WDR35: variants seen among roughly 807,000 people sequenced by gnomAD.
The protein encoded by WDR35 is WD repeat-containing protein 35.
A neutral mutation model predicts 158.3 loss-of-function variants in WDR35; 118 were observed. The ratio of observed to expected loss-of-function variants is 0.75; its 90% CI spans 0.64 to 0.87. The LOEUF (loss-of-function observed/expected upper bound fraction) is 0.87, where lower values mean the gene tolerates loss of function less well. Ranked by LOEUF, WDR35 falls within the 40% of genes least tolerant of loss-of-function variation. The pLI is 0.00. For missense variants in WDR35, 1,263 were observed against 1,405.8 expected (o/e 0.90, Z 1.62); for synonymous variants, 448 against 476.1 (o/e 0.94, Z 0.77).
chr2:19,932,507 A>C (rs1670558007), intron 22 of WDR35, 60 bp from the exon 23 acceptor site: 1 of 1,602,842 alleles, frequency 6.2e-7, no homozygotes, highest in Non-Finnish European at 8.5e-7. Context: ...ATATCATAAA[A>C]TTCACACAAG....
At chr2:19,989,340 T>C in intron 1 of WDR35, 58 bp from the exon 2 acceptor site, 1 of 1,410,408 alleles carries the variant, frequency 7.1e-7, no homozygotes, top group Non-Finnish European at 1.0e-6. Context: ...GGGAAGTAAG[T>C]CTGCAGGAGA....
At chr2:19,980,615 T>C in intron 4 of WDR35, 76 bp downstream of exon 4, 1 of 1,200,408 alleles carries the variant, frequency 8.3e-7, no homozygotes, top group Non-Finnish European at 1.2e-6. Flanking sequence ...TTTGGAGATG[T>C]TATTTACCCA....
chr2:19,955,418 T>C (rs1671394667), intron 11 of WDR35, among the ~76,000 whole-genome samples: 1 of 152,248 alleles, frequency 6.6e-6, no homozygotes. Context: ...GAACATTTAA[T>C]TGAGCTCCTA....
At chr2:19,981,763 C>T (rs1672388372) in intron 3 of WDR35, among the ~76,000 whole-genome samples, 2 of 152,120 alleles carry the variant, frequency 1.3e-5, no homozygotes. Flanking sequence ...ATGCAGTCTT[C>T]CCACCTTGGC....
intron 25 of WDR35, among the ~76,000 whole-genome samples, chr2:19,924,578 A>T (rs930027028): frequency 7.2e-5 from 11 of 152,184 alleles, no homozygotes; most frequent in Non-Finnish European, 1.6e-4. Flanking sequence ...CAAAAAGGTG[A>T]TTGCAGATTT....
intron 22 of WDR35, 126 bp downstream of exon 22, chr2:19,933,275 C>T (rs1441379199): frequency 1.4e-5 from 11 of 785,458 alleles, no homozygotes; most frequent in East Asian, 1.1e-4. Flanking sequence ...ATAAAATTCA[C>T]GTCAGGCTCT....
chr2:19,925,376 C>A (rs1281471182), intron 25 of WDR35, among the ~76,000 whole-genome samples: 1 of 152,066 alleles, frequency 6.6e-6, no homozygotes, highest in Non-Finnish European at 1.5e-5. Context: ...GAAATTAAAC[C>A]AACACAATAT....
intron 11 of WDR35, among the ~76,000 whole-genome samples, chr2:19,959,959 A>G (rs1671581867): frequency 6.6e-6 from 1 of 152,046 alleles, no homozygotes; most frequent in African/African-American, 2.4e-5. Flanking sequence ...GGAATTTTTA[A>G]TGGGTTACTT....
At chr2:19,925,355 T>A (rs1281670673) in intron 25 of WDR35, among the ~76,000 whole-genome samples, 1 of 152,124 alleles carries the variant, frequency 6.6e-6, no homozygotes, top group Non-Finnish European at 1.5e-5. Context: ...TATGTGGGAA[T>A]GGGGAAAAGT....
intron 8 of WDR35, among the ~76,000 whole-genome samples, chr2:19,972,367 C>A (rs193074808): frequency 1.1e-3 from 172 of 152,262 alleles, no homozygotes; most frequent in African/African-American, 3.9e-3. Context: ...AACAAACAGA[C>A]TTTAGAACCC....
At chr2:19,923,238 C>T (rs1220714467) in intron 25 of WDR35, among the ~76,000 whole-genome samples, 1 of 152,148 alleles carries the variant, frequency 6.6e-6, no homozygotes, top group East Asian at 1.9e-4. Context: ...TTAGGGTCTC[C>T]CCGACCGAGC....
chr2:19,966,840 A>C lies in WDR35; in HGVS notation c.1078T>G (p.Phe360Val). Reference sequence around the variant, plus strand: ...TTTTCATTGTTTTTCGTATCCCAGAAGACAACACAATATTCTGGACGATCA... The same window carrying C: ...TTTTCATTGTTTTTCGTATCCCAGACGACAACACAATATTCTGGACGATCA... Reference protein sequence around the residue: ...RPDRPEYCVVFWDTKNNEKYV... With the variant: ...RPDRPEYCVVVWDTKNNEKYV... Residue 360 changes from phenylalanine (F) to valine (V), a missense_variant, in exon 10 of 27, where the codon TTC (phenylalanine) becomes GTC (valine). By Grantham distance (50) the Phe-to-Val change is conservative. Coordinates refer to ENST00000281405, the MANE Select transcript of WDR35 (RefSeq NM_020779.4). 6.2e-7 allele frequency: 1 copy of C among 1,614,044 alleles called. No individual in the cohort carries two copies.
chr2:19,943,714 A>C (rs1289768605), intron 16 of WDR35, among the ~76,000 whole-genome samples: 1 of 152,106 alleles, frequency 6.6e-6, no homozygotes, highest in Non-Finnish European at 1.5e-5. Flanking sequence ...AAGAGCCAAG[A>C]AAAAGAACAA....
At chr2:19,956,255 T>C (rs1671427918) in intron 11 of WDR35, among the ~76,000 whole-genome samples, 1 of 152,252 alleles carries the variant, frequency 6.6e-6, no homozygotes, top group Non-Finnish European at 1.5e-5. Flanking sequence ...TTCCTAAGTA[T>C]ATAAAAGCAT....
At chr2:19,950,657 T>C (rs1432331184) in intron 13 of WDR35, among the ~76,000 whole-genome samples, 1 of 152,282 alleles carries the variant, frequency 6.6e-6, no homozygotes, top group East Asian at 1.9e-4. Flanking sequence ...TCACACTTAA[T>C]AGACATTCAA....
chr2:19,945,846 A>G lies in WDR35; in HGVS notation c.1785T>C (p.Pro595=). The change falls in exon 16 of 27, where the codon CCT becomes CCC. Residue 595 remains proline (P), a synonymous_variant. Transcript: ENST00000281405. The part of the protein sequence containing the change: ...VWDMKWAKDN[P]DLFAMMEKTR... ...TCTTCTCCATCATTGCAAACAAATC[A>G]GGATTATCTTTGGCCCACTTCATAT... The G allele has an allele frequency of 6.2e-7, 1 of 1,614,024 alleles. No homozygotes were observed. The highest frequency in any genetic ancestry group is 8.5e-7 in the Non-Finnish European group (1 of 1,179,884).
At chr2:19,957,556 AT>A (rs35202505) in intron 11 of WDR35, among the ~76,000 whole-genome samples, 2,099 of 145,488 alleles carry the variant, frequency 0.014, 20 homozygotes, top group African/African-American at 0.029. Flanking sequence ...AGGTTATTGG[AT>A]TTTTTTTTTT....
At chr2:19,942,514 CTAGA>C (rs199534556) in intron 16 of WDR35, among the ~76,000 whole-genome samples, 3,062 of 151,842 alleles carry the variant, frequency 0.02, 93 homozygotes, top group African/African-American at 0.069. Flanking sequence ...AGTAGCTGCC[CTAGA>C]TCCTTGTATA....
intron 8 of WDR35, among the ~76,000 whole-genome samples, chr2:19,969,979 C>T (rs1303182656): frequency 2.6e-5 from 4 of 152,134 alleles, no homozygotes; most frequent in Admixed American, 2.0e-4. Flanking sequence ...GATCTCCTGA[C>T]TTCATGATCT....
Sources: gnomAD v4.1 joint callset for allele counts (sites outside exome capture counted in the v4.1 genomes callset) on GRCh38, gnomAD v4.1.1 for gene constraint, MANE v1.5 for transcripts, NCBI Gene and HGNC (gene_info 2026-07-23, HGNC 2026-07-21) for gene names.